CDK15: variants seen among roughly 807,000 people sequenced by gnomAD.
CDK15 encodes cyclin-dependent kinase 15.
Under a neutral mutation model 60.3 loss-of-function variants are expected in CDK15, and 62 were observed. The ratio of observed to expected loss-of-function variants is 1.03; its 90% CI spans 0.84 to 1.27. The LOEUF (loss-of-function observed/expected upper bound fraction) is 1.27. Ranked by LOEUF, CDK15 falls within the 50% of genes most tolerant of loss-of-function variation. CDK15 has a pLI of 0.00. For missense variants in CDK15, 541 were observed against 527.8 expected (o/e 1.03, Z -0.25); for synonymous variants, 194 against 195.7 (o/e 0.99, Z 0.07).
At position 201,882,687 on chromosome 2, in the gene CDK15, G is replaced by A. The variant is rs903687150; in HGVS notation, c.1198+2520G>A. On this transcript the variant is annotated intron_variant, in intron 12 of 13. Transcript: ENST00000652192. This position sits in a 1 kb window ranked among gnomAD's most constrained non-coding sequence, Gnocchi z 4.0. ...TGCACATGAGTGCACGAGCATGTGT[G>A]TGTGCTTGTGTATGTGTGTGACAGG... Among the ~76,000 whole-genome samples, 5 of 150,276 alleles carry A rather than the reference G, an allele frequency of 3.3e-5. No homozygotes were observed. Among genetic ancestry groups the A allele is most frequent in the Non-Finnish European group, 5.9e-5 (4 of 67,262 alleles).
chr2:201,887,842 T>C (rs191505207), intron 12 of CDK15, among the ~76,000 whole-genome samples: 1 of 152,182 alleles, frequency 6.6e-6, no homozygotes, highest in African/African-American at 2.4e-5. Flanking sequence ...CCTCTGGGCT[T>C]TGAAGATATG....
intron 13 of CDK15, among the ~76,000 whole-genome samples, chr2:201,892,764 C>G (rs895678065): frequency 1.3e-5 from 2 of 152,190 alleles, no homozygotes; most frequent in South Asian, 4.1e-4. Flanking sequence ...CACATGGACA[C>G]TTGGGGCCTG....
intron 6 of CDK15, among the ~76,000 whole-genome samples, chr2:201,833,324 A>G (rs893256191): frequency 7.2e-5 from 11 of 152,052 alleles, no homozygotes; most frequent in African/African-American, 2.7e-4. Flanking sequence ...AAAGATAAAG[A>G]TTTCTTTATT....
At chr2:201,825,312 C>CAAAAAAAA (rs200857853) in intron 6 of CDK15, among the ~76,000 whole-genome samples, 1 of 86,948 alleles carries the variant, frequency 1.2e-5, no homozygotes, top group Non-Finnish European at 2.4e-5. Flanking sequence ...GACTCCAACT[C>CAAAAAAAA]AAAAAAAAAA....
At chr2:201,833,718 T>TC (rs1553523068) in intron 6 of CDK15, 130 bp from the exon 7 acceptor site, 548 of 284,778 alleles carry the variant, frequency 1.9e-3, no homozygotes, top group East Asian at 5.8e-3. Flanking sequence ...TTCTTCTTCT[T>TC]TTTTTTTTTT....
At chr2:201,829,712 G>A (rs541720073) in intron 6 of CDK15, among the ~76,000 whole-genome samples, 3 of 152,132 alleles carry the variant, frequency 2.0e-5, no homozygotes, top group Non-Finnish European at 4.4e-5. Flanking sequence ...GGGAGCATGT[G>A]TAGAGTGATA....
intron 1 of CDK15, 147 bp downstream of exon 1, chr2:201,806,934 C>A: frequency 1.0e-6 from 1 of 978,870 alleles, no homozygotes; most frequent in Non-Finnish European, 1.4e-6. Context: ...AAATTTATGG[C>A]TGTAGTTATC....
intron 8 of CDK15, among the ~76,000 whole-genome samples, chr2:201,844,239 C>T (rs142933541): frequency 7.9e-5 from 12 of 152,172 alleles, no homozygotes; most frequent in Non-Finnish European, 1.3e-4. Flanking sequence ...TACACAGACA[C>T]GTATTTATTT....
chr2:201,824,712 G>A (rs763624054), intron 6 of CDK15: 19 of 466,920 alleles, frequency 4.1e-5, no homozygotes, highest in Admixed American at 7.2e-5. Context: ...CCATATCAGC[G>A]CTAGCAAAAT....
At chr2:201,837,838 G>T (rs1697196616) in intron 8 of CDK15, among the ~76,000 whole-genome samples, 1 of 152,102 alleles carries the variant, frequency 6.6e-6, no homozygotes, top group Non-Finnish European at 1.5e-5. Context: ...AAAATTAAAT[G>T]GTGTCCTAAA....
At chr2:201,872,110 A>G (rs1574927649) in intron 10 of CDK15, among the ~76,000 whole-genome samples, 168 bp from the exon 11 acceptor site, 3 of 152,178 alleles carry the variant, frequency 2.0e-5, no homozygotes. Context: ...TCACCAAATC[A>G]TAAAAATTCA....
chr2:201,887,175 G>A (rs923106263), intron 12 of CDK15, among the ~76,000 whole-genome samples: 5 of 152,184 alleles, frequency 3.3e-5, no homozygotes, highest in Non-Finnish European at 7.3e-5. Flanking sequence ...ACAGTACTAT[G>A]TAACCATTTT....
intron 3 of CDK15, among the ~76,000 whole-genome samples, chr2:201,809,188 G>T (rs1479405289): frequency 6.6e-6 from 1 of 152,124 alleles, no homozygotes; most frequent in Non-Finnish European, 1.5e-5. Context: ...TTTCAAGGTG[G>T]CTCGGAACGG....
At position 201,854,900 on chromosome 2, in the gene CDK15, T is replaced by G; in HGVS notation, c.972T>G (p.Thr324=). ...WEVLGVPTED[T]WPGVSKLPNY... ...TGCTGGGAGTCCCTACAGAGGATAC[T>G]TGGCCGGGAGTCTCCAAGCTACCTA... The change falls in exon 10 of 14, where the codon ACT becomes ACG. Residue 324 remains threonine, a synonymous_variant. Transcript: ENST00000652192. 1 of 1,614,140 alleles carries G rather than the reference T, an allele frequency of 6.2e-7. No homozygotes were observed. The highest frequency in any genetic ancestry group is 1.1e-5 in the South Asian group (1 of 91,084).
chr2:201,872,971 G>A (rs1389768988), intron 11 of CDK15, among the ~76,000 whole-genome samples: 1 of 150,154 alleles, frequency 6.7e-6, no homozygotes, highest in African/African-American at 2.5e-5. Context: ...AGGCAAAAAG[G>A]GCAATGAGGA....
chr2:201,835,920 T>G (rs142180449), intron 8 of CDK15, among the ~76,000 whole-genome samples, 157 bp downstream of exon 8: 1,459 of 140,022 alleles, frequency 0.01, 26 homozygotes, highest in African/African-American at 0.036. Flanking sequence ...TATAGTTATA[T>G]ATTTATATTT....
At chr2:201,881,265 A>C (rs1699269068) in intron 12 of CDK15, among the ~76,000 whole-genome samples, 4 of 152,216 alleles carry the variant, frequency 2.6e-5, no homozygotes. Flanking sequence ...CTGTTTTATG[A>C]CTAAAGTGAG....
At chr2:201,825,344 T>G (rs1268205074) in intron 6 of CDK15, among the ~76,000 whole-genome samples, 7 of 150,290 alleles carry the variant, frequency 4.7e-5, no homozygotes, top group Non-Finnish European at 4.4e-5. Context: ...ATATGTAAGT[T>G]GTGCTATAAC....
At chr2:201,879,816 A>AT (rs1574936713) in intron 11 of CDK15, among the ~76,000 whole-genome samples, 1 of 151,950 alleles carries the variant, frequency 6.6e-6, no homozygotes, top group Admixed American at 6.6e-5. Flanking sequence ...GAATGAGGAG[A>AT]TTTTTCCCCT....
Sources: gnomAD v4.1 joint callset for allele counts (sites outside exome capture counted in the v4.1 genomes callset) on GRCh38, gnomAD v4.1.1 for gene constraint, Gnocchi (gnomAD v3.1) non-coding constraint, MANE v1.5 for transcripts, NCBI Gene and HGNC (gene_info 2026-07-23, HGNC 2026-07-21) for gene names.